Variants in NUP210L observed in about 807,000 individuals in gnomAD.
NUP210L encodes the protein nucleoporin 210 like.
In NUP210L, 74 loss-of-function variants were observed where a neutral mutation model predicts 208.5. The ratio of observed to expected loss-of-function variants is 0.35; its 90% CI spans 0.29 to 0.43. The LOEUF is 0.43. Ranked by LOEUF, NUP210L falls within the 20% of genes least tolerant of loss-of-function variation. The probability of loss-of-function intolerance (pLI) is 1.00; values close to 1 mark genes in which losing one functional copy is unlikely to be tolerated. For synonymous variants in NUP210L, 780 were observed against 816.9 expected, an observed-to-expected ratio of 0.95 and a Z score of 0.77; for missense variants, 1,843 against 2,289.4, an observed-to-expected ratio of 0.81 and a Z score of 3.98.
rs541845633 is a variant in NUP210L at position 154,066,829 on chromosome 1, C to T, written c.2554+3444G>A. Among the ~76,000 whole-genome samples, 51 of 152,290 alleles carry T rather than the reference C, an allele frequency of 3.3e-4. 1 individual carries two copies. The South Asian group carries it at 7.7e-3, about 23-fold the overall frequency. On this transcript the variant is annotated intron_variant, in intron 17 of 39. Coordinates refer to ENST00000368559, the Ensembl canonical transcript of NUP210L. Reference sequence around the variant, plus strand: ...CTATAAACACCTCTACGCAAATAAACTAGAAAATCTAGAAGAAATGGATAA... The same window carrying T: ...CTATAAACACCTCTACGCAAATAAATTAGAAAATCTAGAAGAAATGGATAA...
intron 7 of NUP210L, among the ~76,000 whole-genome samples, chr1:154,134,286 TTC>T (rs1378873101): frequency 6.6e-6 from 1 of 152,018 alleles, no homozygotes; most frequent in African/African-American, 2.4e-5. Flanking sequence ...CTGAATGAAT[TTC>T]TTTCAGATTA....
At chr1:154,018,713 C>T (rs1651399350) in intron 33 of NUP210L, among the ~76,000 whole-genome samples, 1 of 152,144 alleles carries the variant, frequency 6.6e-6, no homozygotes, top group African/African-American at 2.4e-5. Flanking sequence ...TGTCTAGTGC[C>T]AACCAGTACC....
At chr1:154,019,920 C>CT (rs1651461518) in intron 32 of NUP210L, among the ~76,000 whole-genome samples, 2 of 152,050 alleles carry the variant, frequency 1.3e-5, no homozygotes, top group African/African-American at 4.8e-5. Flanking sequence ...GAGTGAAACT[C>CT]TGTCTCAAAA....
intron 38 of NUP210L, among the ~76,000 whole-genome samples, chr1:153,994,061 G>GT (rs1649668885): frequency 1.4e-5 from 2 of 147,970 alleles, no homozygotes; most frequent in South Asian, 4.3e-4. Flanking sequence ...AAGTTTTTTT[G>GT]TAGAGATGGA....
chr1:154,054,171 C>T, intron 25 of NUP210L, 57 bp downstream of exon 25: 1 of 1,580,702 alleles, frequency 6.3e-7, no homozygotes, highest in Non-Finnish European at 8.7e-7. Flanking sequence ...TCCCTATCTC[C>T]CACAGTATGG....
chr1:154,067,405 A>C (rs1181866744), intron 17 of NUP210L, among the ~76,000 whole-genome samples: 1 of 152,332 alleles, frequency 6.6e-6, no homozygotes, highest in East Asian at 1.9e-4. Flanking sequence ...CCTTCATGCT[A>C]AAAACTCTTA....
intron 23 of NUP210L, 141 bp downstream of exon 23, chr1:154,056,674 G>T: frequency 1.3e-6 from 1 of 743,882 alleles, no homozygotes; most frequent in Non-Finnish European, 2.1e-6. Flanking sequence ...TCCCACCTCA[G>T]CCTCCCAAAG....
In NUP210L at chr1:154,001,141, A is replaced by C; in HGVS notation, c.5182-81T>G. On this transcript the variant is annotated intron_variant, in intron 36 of 39. Coordinates refer to ENST00000368559, the Ensembl canonical transcript of NUP210L. The stretch of plus-strand genomic sequence containing the variant: ...GTATGTTCCAATCTGAAACATATAC[A>C]GTACAATAATTGTCAAGATCTGGAT... 6.5e-6 allele frequency: 7 copies of C among 1,076,536 alleles called. No homozygotes were observed. In the South Asian group the frequency reaches 1.0e-4, roughly 16 times the overall value. 66.7% of individuals were successfully genotyped at this position (1,076,536 alleles called of 1,614,324 possible). A position where few individuals can be genotyped will look rare whatever the true frequency, so the allele number is the denominator to read the frequency against.
intron 17 of NUP210L, among the ~76,000 whole-genome samples, chr1:154,063,157 T>C (rs762244653): frequency 2.6e-5 from 4 of 151,964 alleles, no homozygotes; most frequent in African/African-American, 9.7e-5. Context: ...TGCAATACAG[T>C]GTGATAAGTG....
chr1:154,137,208 G>A (rs1658593856), intron 6 of NUP210L, among the ~76,000 whole-genome samples: 1 of 151,538 alleles, frequency 6.6e-6, no homozygotes, highest in Non-Finnish European at 1.5e-5. Context: ...GAATCACTTG[G>A]GACAAGGAGT....
chr1:153,998,192 T>C (rs1212237247), intron 37 of NUP210L, among the ~76,000 whole-genome samples: 1 of 152,104 alleles, frequency 6.6e-6, no homozygotes. Flanking sequence ...ACTGCTGATA[T>C]TATGGTGGTT....
intron 12 of NUP210L, among the ~76,000 whole-genome samples, chr1:154,112,030 C>T (rs182320236): frequency 1.3e-5 from 2 of 151,594 alleles, no homozygotes; most frequent in Non-Finnish European, 2.9e-5. Flanking sequence ...CAGGTTTAAG[C>T]AATTCTCCTG....
chr1:154,015,430 C>CA (rs1218433267), intron 33 of NUP210L, among the ~76,000 whole-genome samples: 2 of 151,636 alleles, frequency 1.3e-5, no homozygotes, highest in South Asian at 2.1e-4. Context: ...TCCAAAAACA[C>CA]AAAAAATTGG....
exon 14 of NUP210L, chr1:154,100,123 T>C (rs374746984): frequency 6.2e-7 from 1 of 1,614,108 alleles, no homozygotes; most frequent in African/African-American, 1.3e-5. Flanking sequence ...GAACAATGCA[T>C]TGGTCCAGGT....
At chr1:154,062,820 T>G (rs1312915192) in intron 17 of NUP210L, among the ~76,000 whole-genome samples, 1 of 152,096 alleles carries the variant, frequency 6.6e-6, no homozygotes, top group Non-Finnish European at 1.5e-5. Flanking sequence ...GCTCAAGTGA[T>G]CCTCCTGCCT....
intron 35 of NUP210L, among the ~76,000 whole-genome samples, chr1:154,006,966 ATT>A (rs1196661554): frequency 0.023 from 2,702 of 115,616 alleles, 126 homozygotes; most frequent in African/African-American, 0.084. Flanking sequence ...ATATATATAT[ATT>A]TTTTTTTTTT....
At chr1:154,140,045 G>A (rs1201287366) in intron 4 of NUP210L, 93 bp from the exon 5 acceptor site, 4 of 997,140 alleles carry the variant, frequency 4.0e-6, no homozygotes, top group African/African-American at 3.3e-5. Flanking sequence ...TTTCTTCAAT[G>A]TCTATAGAAT....
At chr1:154,026,940 A>G (rs1268570486) in intron 29 of NUP210L, among the ~76,000 whole-genome samples, 2 of 151,730 alleles carry the variant, frequency 1.3e-5, no homozygotes, top group Non-Finnish European at 2.9e-5. Flanking sequence ...AAAATTAGCC[A>G]GGTGTGGTGG....
rs779089043 is a variant in NUP210L at position 154,127,363 on chromosome 1, A to G, written c.1133T>C (p.Val378Ala). ...TTTATCAAAGACGTCTACTGTAATG[A>G]CATATACCTGTCCCACCTCTAGACT... The change falls in exon 9 of 40, where the codon GTC becomes GCC. Residue 378 changes from valine (V) to alanine (A), a missense_variant. Val to Ala is a moderately conservative substitution (Grantham distance 64, BLOSUM62 0). This residue lies in a region of NUP210L where 542 missense variants were observed against 606.4 expected (regional missense o/e 0.89). Transcript: ENST00000368559. 1.9e-6 allele frequency: 3 copies of G among 1,608,574 alleles called. No homozygotes were observed. The South Asian group carries it at 3.3e-5, about 18-fold the overall frequency.
Sources: allele counts gnomAD v4.1 joint callset (sites outside exome capture counted in the v4.1 genomes callset), GRCh38; gene constraint gnomAD v4.1.1; regional missense constraint gnomAD v4.1.1; transcripts MANE v1.5; gene names NCBI Gene and HGNC (gene_info 2026-07-23, HGNC 2026-07-21).